Variants in PTPRD observed in about 807,000 individuals in gnomAD.
The protein encoded by PTPRD is protein tyrosine phosphatase receptor type D.
In PTPRD, 34 loss-of-function variants were observed where a neutral mutation model predicts 214.5. That is an observed-to-expected ratio of 0.16 (90% CI 0.12 to 0.21). PTPRD has a LOEUF of 0.21. PTPRD is among the 10% of genes least tolerant of loss of function. The pLI is 1.00. For synonymous variants in PTPRD, 1,128 were observed against 845.7 expected (o/e 1.33, Z -5.79); for missense variants, 2,545 against 2,398.7 (o/e 1.06, Z -1.27).
At chr9:8,794,128 T>A (rs1370508406) in intron 11 of PTPRD, among the ~76,000 whole-genome samples, 6 of 150,602 alleles carry the variant, frequency 4.0e-5, no homozygotes, top group Non-Finnish European at 8.9e-5. Flanking sequence ...AATGCATTTT[T>A]TCCCCCTGTA....
At chr9:10,084,044 C>T (rs2098287297) in intron 3 of PTPRD, among the ~76,000 whole-genome samples, 1 of 151,898 alleles carries the variant, frequency 6.6e-6, no homozygotes, top group African/African-American at 2.4e-5. Context: ...CCTAAAATCT[C>T]CTAAGCCTCT....
chr9:10,609,952 A>C (rs2080514299), intron 2 of PTPRD, among the ~76,000 whole-genome samples: 1 of 152,160 alleles, frequency 6.6e-6, no homozygotes, highest in Non-Finnish European at 1.5e-5. Context: ...GGTATACAGC[A>C]CTTTATTAGA....
At chr9:10,047,065 G>A (rs1389443607) in intron 3 of PTPRD, among the ~76,000 whole-genome samples, 1 of 151,698 alleles carries the variant, frequency 6.6e-6, no homozygotes, top group East Asian at 1.9e-4. Context: ...TATCTTGTAT[G>A]ACAAAGAATG....
At chr9:8,602,342 A>G (rs1295914732) in intron 14 of PTPRD, among the ~76,000 whole-genome samples, 2 of 152,100 alleles carry the variant, frequency 1.3e-5, no homozygotes, top group African/African-American at 2.4e-5. Context: ...ACTTCACACT[A>G]CCTTGTCTGT....
chr9:9,498,287 A>C (rs1157284189), intron 8 of PTPRD, among the ~76,000 whole-genome samples: 1 of 152,154 alleles, frequency 6.6e-6, no homozygotes, highest in African/African-American at 2.4e-5. Flanking sequence ...CTTGTAAGCC[A>C]AGTATGAATG....
intron 2 of PTPRD, among the ~76,000 whole-genome samples, chr9:10,533,678 G>A (rs1349454400): frequency 6.6e-6 from 1 of 151,750 alleles, no homozygotes; most frequent in African/African-American, 2.4e-5. Flanking sequence ...ACCTCCATCT[G>A]CATTAATATG....
intron 6 of PTPRD, among the ~76,000 whole-genome samples, chr9:9,748,129 T>TG (rs1201475159): frequency 6.6e-6 from 1 of 152,234 alleles, no homozygotes; most frequent in African/African-American, 2.4e-5. Context: ...AGTGAATCAC[T>TG]GGTTCACTGC....
At chr9:9,565,101 C>T (rs1160955572) in intron 8 of PTPRD, among the ~76,000 whole-genome samples, 1 of 151,416 alleles carries the variant, frequency 6.6e-6, no homozygotes, top group Non-Finnish European at 1.5e-5. Context: ...AAGTTATATT[C>T]AAATATTTTA....
chr9:9,879,026 T>C (rs2067777685), intron 5 of PTPRD, among the ~76,000 whole-genome samples: 1 of 152,184 alleles, frequency 6.6e-6, no homozygotes, highest in Admixed American at 6.5e-5. Context: ...GATTATTTTA[T>C]CAACCCTCAA....
intron 37 of PTPRD, among the ~76,000 whole-genome samples, chr9:8,381,501 C>A (rs2085071865): frequency 6.6e-6 from 1 of 152,114 alleles, no homozygotes; most frequent in South Asian, 2.1e-4. Flanking sequence ...TATATCTATT[C>A]CCAACTGGCA....
At chr9:9,888,069 C>T (rs2071653829) in intron 5 of PTPRD, among the ~76,000 whole-genome samples, 1 of 152,126 alleles carries the variant, frequency 6.6e-6, no homozygotes, top group Non-Finnish European at 1.5e-5. Context: ...GTGTAGCACA[C>T]GTTGTTGTCT....
intron 3 of PTPRD, among the ~76,000 whole-genome samples, chr9:10,042,707 C>A (rs763790106): frequency 6.6e-6 from 1 of 151,860 alleles, no homozygotes; most frequent in Non-Finnish European, 1.5e-5. Context: ...AATAGAAAGA[C>A]TGAAGGCTAC....
intron 2 of PTPRD, among the ~76,000 whole-genome samples, chr9:10,347,122 A>G (rs2154449204): frequency 6.6e-6 from 1 of 152,094 alleles, no homozygotes; most frequent in South Asian, 2.1e-4. Context: ...CCAGATCTCC[A>G]CCACACACCC....
rs146300708 is a variant in PTPRD at position 10,352,643 on chromosome 9, G to T, written c.-599-11626C>A. ...AAGAGCATAGGTAATTGAATGTATT[G>T]CTTGTTCAAGCATTTTGAGGTGTTG... On this transcript the variant is annotated intron_variant, in intron 2 of 45. Transcript: ENST00000381196. Among the ~76,000 whole-genome samples, 373 of 152,056 alleles carry T rather than the reference G, an allele frequency of 2.5e-3. 3 individuals carry two copies. The highest frequency in any genetic ancestry group is 8.1e-3 in the African/African-American group (336 of 41,544).
At chr9:9,175,942 G>C (rs1021525181) in intron 10 of PTPRD, among the ~76,000 whole-genome samples, 7 of 152,114 alleles carry the variant, frequency 4.6e-5, no homozygotes, top group African/African-American at 7.2e-5. Context: ...GAAGCACAAA[G>C]TCTTTTATAT....
intron 7 of PTPRD, among the ~76,000 whole-genome samples, chr9:9,721,382 G>C (rs770178684): frequency 2.2e-4 from 33 of 152,090 alleles, no homozygotes; most frequent in Non-Finnish European, 2.9e-5. Flanking sequence ...TTTTTAATGA[G>C]AGAGAGAAAA....
chr9:9,165,055 A>AAC (rs2099900018), intron 10 of PTPRD, among the ~76,000 whole-genome samples: 1 of 151,508 alleles, frequency 6.6e-6, no homozygotes, highest in Non-Finnish European at 1.5e-5. Flanking sequence ...CCATCTCAAA[A>AAC]AAAAAAAAAA....
At chr9:9,623,725 G>C (rs1015948864) in intron 7 of PTPRD, among the ~76,000 whole-genome samples, 6 of 152,146 alleles carry the variant, frequency 3.9e-5, no homozygotes, top group African/African-American at 1.2e-4. Flanking sequence ...TCCCAGATTT[G>C]CTGAATTAGA....
chr9:8,381,125 G>A (rs1009028190), intron 37 of PTPRD, among the ~76,000 whole-genome samples: 2 of 152,162 alleles, frequency 1.3e-5, no homozygotes, highest in African/African-American at 4.8e-5. Context: ...CTCTAAATTC[G>A]TACCTAGTAA....
Sources: gnomAD v4.1 joint callset for allele counts (sites outside exome capture counted in the v4.1 genomes callset) on GRCh38, gnomAD v4.1.1 for gene constraint, MANE v1.5 for transcripts, NCBI Gene and HGNC (gene_info 2026-07-23, HGNC 2026-07-21) for gene names.